FOXJ3: variants seen among roughly 807,000 people sequenced by gnomAD.
FOXJ3 encodes forkhead box J3.
A neutral mutation model predicts 76.1 loss-of-function variants in FOXJ3; 22 were observed. The observed-to-expected ratio is 0.29, with a 90% confidence interval of 0.21 to 0.41. FOXJ3 has a LOEUF of 0.41. FOXJ3 is among the 10% of genes least tolerant of loss of function. FOXJ3 has a pLI of 1.00. For synonymous variants in FOXJ3, 269 were observed against 261.2 expected (o/e 1.03, Z -0.29); for missense variants, 613 against 762.1 (o/e 0.80, Z 2.30).
At chr1:42,258,625 C>G (rs1230688459) in intron 4 of FOXJ3, among the ~76,000 whole-genome samples, 1 of 152,088 alleles carries the variant, frequency 6.6e-6, no homozygotes, top group Non-Finnish European at 1.5e-5. Context: ...ATACATTGAT[C>G]ATCAAATTAA....
intron 5 of FOXJ3, among the ~76,000 whole-genome samples, chr1:42,216,048 T>C (rs74995749): frequency 5.9e-5 from 9 of 152,104 alleles, no homozygotes; most frequent in Admixed American, 5.9e-4. Flanking sequence ...GAAAATTTTT[T>C]AAAAATGAAG....
chr1:42,243,081 C>A (rs117022937), intron 4 of FOXJ3, among the ~76,000 whole-genome samples: 1 of 152,080 alleles, frequency 6.6e-6, no homozygotes, highest in Non-Finnish European at 1.5e-5. Context: ...AAATACTGTT[C>A]CCAGGAAAGT....
In FOXJ3 at chr1:42,280,443, A is replaced by T. The variant is rs1386916145; in HGVS notation, c.45-1771T>A. ...TATAGCATCTTCAGAGATCTTAAAAAAAAAAAAAAAAAAAAAAAAAAAACT... is the reference window on the plus strand; with the variant it reads ...TATAGCATCTTCAGAGATCTTAAAATAAAAAAAAAAAAAAAAAAAAAAACT... On this transcript the variant is annotated intron_variant, in intron 2 of 12. Coordinates refer to ENST00000361346, the MANE Select transcript of FOXJ3 (RefSeq NM_014947.5). The T allele has an allele frequency of 6.6e-5, 62 of 945,614 alleles. 1 individual carries two copies. The African/African-American group carries it at 9.2e-4, about 14-fold the overall frequency. The allele number at this position is 945,614 out of a possible 1,614,324, so 58.6% of individuals were successfully genotyped here. A position where few individuals can be genotyped will look rare whatever the true frequency, so the allele number is the denominator to read the frequency against.
intron 6 of FOXJ3, among the ~76,000 whole-genome samples, chr1:42,204,994 G>A (rs1454275261): frequency 6.6e-6 from 1 of 151,930 alleles, no homozygotes; most frequent in Non-Finnish European, 1.5e-5. Flanking sequence ...GAGAGGGAGA[G>A]AAAAAAAGAG....
At chr1:42,221,366 G>T (rs1391031329) in intron 5 of FOXJ3, among the ~76,000 whole-genome samples, 1 of 152,118 alleles carries the variant, frequency 6.6e-6, no homozygotes, top group African/African-American at 2.4e-5. Flanking sequence ...TTAAAAAGGG[G>T]GTTGGGGGGA....
chr1:42,274,074 C>T (rs1242678876), intron 3 of FOXJ3, among the ~76,000 whole-genome samples: 2 of 152,140 alleles, frequency 1.3e-5, no homozygotes, highest in Admixed American at 6.5e-5. Flanking sequence ...GCTTTCTAAG[C>T]CACATACTCA....
At position 42,199,220 on chromosome 1, in the gene FOXJ3, T is replaced by C. The variant is rs761647684; in HGVS notation, c.641A>G (p.Tyr214Cys). 2 of 1,611,974 alleles carry C rather than the reference T, an allele frequency of 1.2e-6. No individual in the cohort carries two copies. Among genetic ancestry groups the C allele is most frequent in the Non-Finnish European group, 1.7e-6 (2 of 1,178,448 alleles). Residue 214 changes from tyrosine (Y) to cysteine (C), a missense_variant, in exon 7 of 13, where the codon TAT (tyrosine) becomes TGT (cysteine). Physicochemically the swap from Tyr to Cys is radical, Grantham distance 194 (BLOSUM62 -2). This residue lies in a region of FOXJ3 where 526 missense variants were observed against 601.4 expected (regional missense o/e 0.87). Transcript: ENST00000361346. Reference sequence around the variant, plus strand: ...ATCACTACCATCCTGATCAGTGTTATACAATGTTACCTAAAATGAAAAAAG... The same window carrying C: ...ATCACTACCATCCTGATCAGTGTTACACAATGTTACCTAAAATGAAAAAAG... ...INTVTNKVTL[Y>C]NTDQDGSDSP...
intron 2 of FOXJ3, among the ~76,000 whole-genome samples, chr1:42,309,604 T>A (rs1231536117): frequency 1.3e-5 from 2 of 152,236 alleles, no homozygotes; most frequent in African/African-American, 4.8e-5. Context: ...TTACAGGATT[T>A]TTACATGTTA....
intron 2 of FOXJ3, among the ~76,000 whole-genome samples, chr1:42,308,517 G>A (rs1570222093): frequency 6.6e-6 from 1 of 152,198 alleles, no homozygotes; most frequent in Non-Finnish European, 1.5e-5. Context: ...CTGTTTCAGA[G>A]GTGGACCACA....
At chr1:42,334,690 G>A (rs1335169100) in intron 1 of FOXJ3, among the ~76,000 whole-genome samples, 1 of 152,130 alleles carries the variant, frequency 6.6e-6, no homozygotes, top group Non-Finnish European at 1.5e-5. Context: ...CCCAGGCCAA[G>A]GGACAGGTCA....
intron 9 of FOXJ3, 107 bp from the exon 10 acceptor site, chr1:42,189,511 C>A: frequency 1.3e-6 from 1 of 753,938 alleles, no homozygotes; most frequent in Non-Finnish European, 2.3e-6. Flanking sequence ...ATTCTTGTCC[C>A]GTCTTACAAG....
intron 2 of FOXJ3, 41 bp downstream of exon 2, chr1:42,311,009 T>A (rs1421462623): frequency 3.2e-6 from 4 of 1,260,262 alleles, no homozygotes; most frequent in Non-Finnish European, 4.5e-6. Flanking sequence ...ACTTTTAAAA[T>A]GTTATATGTT....
chr1:42,266,126 T>C (rs949084853), intron 3 of FOXJ3, among the ~76,000 whole-genome samples: 1 of 152,184 alleles, frequency 6.6e-6, no homozygotes, highest in Non-Finnish European at 1.5e-5. Flanking sequence ...TATTTTGACA[T>C]AATATCTGCT....
intron 1 of FOXJ3, among the ~76,000 whole-genome samples, chr1:42,333,913 G>T (rs1013176668): frequency 2.6e-5 from 4 of 152,070 alleles, no homozygotes; most frequent in African/African-American, 9.7e-5. Flanking sequence ...TTTTCACTGG[G>T]AAACAAAATA....
At position 42,205,792 on chromosome 1, in the gene FOXJ3, T is replaced by G. The variant is rs759746615; in HGVS notation, c.600A>C (p.Pro200=). 1 of 1,609,816 alleles carries G rather than the reference T, an allele frequency of 6.2e-7. No individual in the cohort carries two copies. Among genetic ancestry groups the G allele is most frequent in the South Asian group, 1.1e-5 (1 of 90,994 alleles). The change falls in exon 6 of 13, where the codon CCA becomes CCC. Residue 200 remains proline (P), a synonymous_variant. Coordinates refer to ENST00000361346, the MANE Select transcript of FOXJ3 (RefSeq NM_014947.5). ...MECIISGSAS[P]TLAINTVTNK... ...TAGTCACAGTGTTGATTGCCAGAGTTGGAGAGGCACTTCCCGAAATAATAC... is the reference window on the plus strand; with the variant it reads ...TAGTCACAGTGTTGATTGCCAGAGTGGGAGAGGCACTTCCCGAAATAATAC...
At chr1:42,334,113 A>G in intron 1 of FOXJ3, 10 of 973,192 alleles carry the variant, frequency 1.0e-5, no homozygotes, top group Non-Finnish European at 1.2e-5. Context: ...AAAAAGTAAA[A>G]CAGAGAAATG....
intron 4 of FOXJ3, among the ~76,000 whole-genome samples, chr1:42,229,497 G>A (rs1647884337): frequency 6.6e-6 from 1 of 152,120 alleles, no homozygotes. Flanking sequence ...TACACTGTTG[G>A]GGTACAAGGT....
chr1:42,251,731 T>TTC (rs1347486166), intron 4 of FOXJ3, among the ~76,000 whole-genome samples: 3 of 55,894 alleles, frequency 5.4e-5, no homozygotes, highest in Non-Finnish European at 1.2e-4. Flanking sequence ...TTTTTTTTTT[T>TTC]TTTTTGAGAC....
chr1:42,189,464 GA>G, intron 9 of FOXJ3, 60 bp from the exon 10 acceptor site: 1 of 1,184,734 alleles, frequency 8.4e-7, no homozygotes, highest in Non-Finnish European at 1.2e-6. Context: ...TGTGGTAAGG[GA>G]AAACGATGAG....
Sources: gnomAD v4.1 joint callset for allele counts (sites outside exome capture counted in the v4.1 genomes callset) on GRCh38, gnomAD v4.1.1 for gene constraint, gnomAD v4.1.1 regional missense constraint, MANE v1.5 for transcripts, NCBI Gene and HGNC (gene_info 2026-07-23, HGNC 2026-07-21) for gene names.